The following CYTH3 variants were observed in gnomAD, a reference collection of about 807,000 sequenced individuals.
CYTH3 encodes the protein cytohesin-3.
Under a neutral mutation model 55.1 loss-of-function variants are expected in CYTH3, and 23 were observed. The observed-to-expected ratio is 0.42, with a 90% CI of 0.30 to 0.59. The LOEUF is 0.59. Ranked by LOEUF, CYTH3 falls within the 20% of genes least tolerant of loss-of-function variation. The probability of loss-of-function intolerance (pLI) is 0.20; values close to 1 mark genes in which losing one functional copy is unlikely to be tolerated. For synonymous variants in CYTH3, 249 were observed against 194.9 expected (o/e 1.28, Z -2.31); for missense variants, 413 against 524.8 (o/e 0.79, Z 2.08).
Position 6,186,105 on chromosome 7 carries a change from G to A in CYTH3, c.249+945C>T, listed in dbSNP as rs187392822. On this transcript the variant is annotated intron_variant, in intron 4 of 12. Transcript: ENST00000350796. ...TAAAAATACAAAAAATTAGCCGGGC[G>A]TGGTGGCGGGCGCCTGTAGTCTCAG... Among the ~76,000 whole-genome samples the A allele has an allele frequency of 6.3e-3, 948 of 151,540 alleles. 8 individuals carry two copies. The highest frequency in any genetic ancestry group is 0.022 in the African/African-American group (897 of 41,240).
intron 1 of CYTH3, among the ~76,000 whole-genome samples, chr7:6,214,663 C>A (rs1308047876): frequency 6.6e-6 from 1 of 152,066 alleles, no homozygotes; most frequent in Non-Finnish European, 1.5e-5. Context: ...CCAAACCATA[C>A]AAAACAAAAT....
At chr7:6,194,758 T>C (rs1211110115) in intron 1 of CYTH3, among the ~76,000 whole-genome samples, 2 of 152,146 alleles carry the variant, frequency 1.3e-5, no homozygotes, top group Non-Finnish European at 2.9e-5. Context: ...AGGCGGATCA[T>C]GACGTCAAGA....
chr7:6,205,768 T>A (rs1186422248), intron 1 of CYTH3, among the ~76,000 whole-genome samples: 2 of 150,106 alleles, frequency 1.3e-5, no homozygotes, highest in African/African-American at 4.9e-5. Flanking sequence ...TCCTATCTAT[T>A]TGGGAGGCTG....
chr7:6,183,480 C>T (rs1783557307), intron 4 of CYTH3, among the ~76,000 whole-genome samples: 1 of 152,206 alleles, frequency 6.6e-6, no homozygotes, highest in East Asian at 1.9e-4. Context: ...AACCTTCCCT[C>T]TTACTCATTA....
At chr7:6,216,973 C>A (rs949203309) in intron 1 of CYTH3, among the ~76,000 whole-genome samples, 4 of 151,042 alleles carry the variant, frequency 2.6e-5, no homozygotes, top group Non-Finnish European at 5.9e-5. Context: ...AGTGCAGTGG[C>A]ATTATCTCCG....
intron 4 of CYTH3, among the ~76,000 whole-genome samples, chr7:6,181,175 T>G (rs1257040157): frequency 6.6e-6 from 1 of 152,356 alleles, no homozygotes; most frequent in South Asian, 2.1e-4. Context: ...ACTTAAATAC[T>G]GACATAAATT....
chr7:6,259,798 T>TAATATATATATA (rs1331900347), intron 1 of CYTH3, among the ~76,000 whole-genome samples: 1 of 24,882 alleles, frequency 4.0e-5, no homozygotes, highest in African/African-American at 5.2e-4. Context: ...TATATATATA[T>TAATATATATATA]ATATATATAT....
chr7:6,266,591 CT>C (rs1339515001), intron 1 of CYTH3, among the ~76,000 whole-genome samples: 4 of 152,174 alleles, frequency 2.6e-5, no homozygotes, highest in Non-Finnish European at 4.4e-5. Context: ...CACAAAGCTG[CT>C]TTTAATTCTC....
In CYTH3 at chr7:6,260,022, G is replaced by C. The variant is rs148831985; in HGVS notation, c.34+12452C>G. On this transcript the variant is annotated intron_variant, in intron 1 of 12. Transcript: ENST00000350796. ...ATTTTGTATTTTTAGTAGAAACAGG[G>C]TTTCTCCATGTGGTCAGGCTGGTGT... Among the ~76,000 whole-genome samples, 44 of 148,830 alleles carry C rather than the reference G, an allele frequency of 3.0e-4. No homozygotes were observed. The East Asian group carries it at 5.9e-3, about 20-fold the overall frequency.
At chr7:6,166,101 T>C (rs1369480612) in intron 9 of CYTH3, among the ~76,000 whole-genome samples, 1 of 152,160 alleles carries the variant, frequency 6.6e-6, no homozygotes, top group African/African-American at 2.4e-5. Flanking sequence ...CCACATGAGA[T>C]GGCAGTGTGA....
chr7:6,249,238 G>T (rs958329), intron 1 of CYTH3, among the ~76,000 whole-genome samples: 11,549 of 152,098 alleles, frequency 0.076, 1,165 homozygotes, highest in African/African-American at 0.23. Flanking sequence ...TCTTGGGGAT[G>T]AAAAAGATAG....
At chr7:6,226,448 GA>G (rs1473391591) in intron 1 of CYTH3, among the ~76,000 whole-genome samples, 1 of 152,186 alleles carries the variant, frequency 6.6e-6, no homozygotes, top group East Asian at 1.9e-4. Flanking sequence ...GGAGGTGGGA[GA>G]GTGCTATTTT....
intron 4 of CYTH3, among the ~76,000 whole-genome samples, chr7:6,183,996 C>T (rs1413500609): frequency 1.3e-5 from 2 of 150,954 alleles, no homozygotes; most frequent in Non-Finnish European, 2.9e-5. Flanking sequence ...GGACTTCCAG[C>T]CTCCAGAACT....
intron 1 of CYTH3, among the ~76,000 whole-genome samples, chr7:6,240,613 G>C (rs1779648580): frequency 6.6e-6 from 1 of 152,148 alleles, no homozygotes; most frequent in South Asian, 2.1e-4. Context: ...AACTGGTGTT[G>C]GGACAATGCA....
chr7:6,246,204 C>G (rs1213226006), intron 1 of CYTH3, among the ~76,000 whole-genome samples: 3 of 151,880 alleles, frequency 2.0e-5, no homozygotes. Flanking sequence ...CCTCAGCCTC[C>G]TGAGTAGCAT....
At chr7:6,224,515 G>A (rs972035482) in intron 1 of CYTH3, among the ~76,000 whole-genome samples, 48 of 152,248 alleles carry the variant, frequency 3.2e-4, no homozygotes, top group African/African-American at 1.1e-3. Flanking sequence ...GAATGACCTA[G>A]CATAAGAGCT....
At chr7:6,238,407 T>C (rs144298674) in intron 1 of CYTH3, among the ~76,000 whole-genome samples, 137 of 152,254 alleles carry the variant, frequency 9.0e-4, no homozygotes, top group African/African-American at 3.2e-3. Context: ...ATTAAAGAAA[T>C]GATGGCTAAC....
At chr7:6,190,411 AG>A in intron 2 of CYTH3, 37 bp downstream of exon 2, 1 of 1,405,616 alleles carries the variant, frequency 7.1e-7, no homozygotes, top group Non-Finnish European at 9.2e-7. Context: ...AGCAAAAAAC[AG>A]AGTTTTGGAT....
chr7:6,207,005 A>G (rs895944097), intron 1 of CYTH3, among the ~76,000 whole-genome samples: 2 of 152,188 alleles, frequency 1.3e-5, no homozygotes, highest in Admixed American at 1.3e-4. Flanking sequence ...TCCTGTTTAA[A>G]AGAAAAAACA....
Sources: gnomAD v4.1 joint callset for allele counts (sites outside exome capture counted in the v4.1 genomes callset) on GRCh38, gnomAD v4.1.1 for gene constraint, MANE v1.5 for transcripts, NCBI Gene and HGNC (gene_info 2026-07-23, HGNC 2026-07-21) for gene names.